Variants in UHRF2 observed in about 807,000 individuals in gnomAD.
UHRF2 encodes ubiquitin like with PHD and ring finger domains 2.
A neutral mutation model predicts 96.8 loss-of-function variants in UHRF2; 23 were observed. The observed-to-expected ratio is 0.24, with a 90% CI of 0.17 to 0.34. UHRF2 has a LOEUF of 0.34. UHRF2 is among the 10% of genes least tolerant of loss of function. The pLI is 1.00. For synonymous variants in UHRF2, 385 were observed against 332.6 expected, an observed-to-expected ratio of 1.16 and a Z score of -1.72; for missense variants, 685 against 981.5, an observed-to-expected ratio of 0.70 and a Z score of 4.04.
chr9:6,443,651 A>G (rs1173322077), intron 3 of UHRF2, among the ~76,000 whole-genome samples: 1 of 152,222 alleles, frequency 6.6e-6, no homozygotes, highest in Non-Finnish European at 1.5e-5. Flanking sequence ...AAACACCTGT[A>G]TGTACTTCTC....
At chr9:6,478,906 C>T (rs1823754600) in intron 6 of UHRF2, among the ~76,000 whole-genome samples, 1 of 152,136 alleles carries the variant, frequency 6.6e-6, no homozygotes, top group African/African-American at 2.4e-5. Flanking sequence ...TAACTATTTC[C>T]TCTGACGTCT....
intron 9 of UHRF2, 68 bp downstream of exon 9, chr9:6,486,993 C>T (rs560809068): frequency 7.0e-7 from 1 of 1,430,850 alleles, no homozygotes; most frequent in South Asian, 1.2e-5. Context: ...ATAGCTTTGC[C>T]TAGGATACAT....
intron 3 of UHRF2, among the ~76,000 whole-genome samples, chr9:6,435,047 A>C (rs1414935176): frequency 6.6e-6 from 1 of 150,722 alleles, no homozygotes; most frequent in Non-Finnish European, 1.5e-5. Context: ...TCACTCTGTC[A>C]CTCAGGCTGG....
At chr9:6,492,676 TC>T (rs1257987851) in intron 9 of UHRF2, 1 of 152,590 alleles carries the variant, frequency 6.6e-6, no homozygotes, top group Non-Finnish European at 1.5e-5. Context: ...ATTAAAATGA[TC>T]TTGCATTAAA....
chr9:6,491,938 A>C (rs1824683796), intron 9 of UHRF2, among the ~76,000 whole-genome samples: 1 of 152,100 alleles, frequency 6.6e-6, no homozygotes, highest in African/African-American at 2.4e-5. Flanking sequence ...TCGCTATGTC[A>C]CCCAGGCTGG....
chr9:6,437,616 T>A (rs1407818170), intron 3 of UHRF2, among the ~76,000 whole-genome samples: 1 of 151,988 alleles, frequency 6.6e-6, no homozygotes, highest in African/African-American at 2.4e-5. Context: ...TGTTTTGCTT[T>A]ATTTTATTTA....
intron 4 of UHRF2, chr9:6,468,475 G>A (rs1467347899): frequency 2.2e-6 from 1 of 456,066 alleles, no homozygotes; most frequent in African/African-American, 2.0e-5. Context: ...TATGTCTCTG[G>A]AGAGGTAAGA....
At chr9:6,487,990 CAGCACTTTGAG>C (rs1824411285) in intron 9 of UHRF2, among the ~76,000 whole-genome samples, 1 of 151,860 alleles carries the variant, frequency 6.6e-6, no homozygotes, top group South Asian at 2.1e-4. Context: ...CCTGTAATCC[CAGCACTTTGAG>C]AGGCTGAAGT....
At chr9:6,414,324 C>G (rs1353723825) in intron 1 of UHRF2, among the ~76,000 whole-genome samples, 1 of 152,156 alleles carries the variant, frequency 6.6e-6, no homozygotes. Flanking sequence ...TACGAATGCC[C>G]TATATAAGCC....
At chr9:6,477,939 T>G in intron 6 of UHRF2, 131 bp downstream of exon 6, 1 of 726,246 alleles carries the variant, frequency 1.4e-6, no homozygotes, top group African/African-American at 1.8e-5. Flanking sequence ...CAGTGGTTAC[T>G]TAGCATTCAT....
At position 6,433,807 on chromosome 9, in the gene UHRF2, G is replaced by A. The variant is rs1820685555; in HGVS notation, c.385-107G>A. 4 of 1,165,668 alleles carry A rather than the reference G, an allele frequency of 3.4e-6. No homozygotes were observed. In the South Asian group the frequency reaches 6.3e-5, roughly 18 times the overall value. The allele number at this position is 1,165,668 out of a possible 1,614,324, so 72.2% of individuals were successfully genotyped here. A position where few individuals can be genotyped will look rare whatever the true frequency, so the allele number is the denominator to read the frequency against. On this transcript the variant is annotated intron_variant, in intron 2 of 15. Transcript: ENST00000276893. The stretch of plus-strand genomic sequence containing the variant: ...TTAACCACTTTAAACATGAGTAGCT[G>A]CAAATATTGTTTACCATGATAACCC...
Position 6,504,644 on chromosome 9 carries a change from C to G in UHRF2, c.2215C>G (p.Leu739Val), listed in dbSNP as rs1057453943. The G allele has an allele frequency of 2.2e-5, 36 of 1,613,704 alleles. No homozygotes were observed. The highest frequency in any genetic ancestry group is 3.0e-5 in the Non-Finnish European group (35 of 1,179,840). ...QSFMCVCCQE[L>V]VYQPVTTECF... ...TTTTATGTGCGTTTGCTGTCAGGAG[C>G]TAGTTTACCAGCCTGTGACAACTGA... is the stretch of plus-strand genomic sequence containing the variant. Residue 739 changes from leucine (L) to valine (V), a missense_variant, in exon 15 of 16, where the codon CTA becomes GTA. Around this residue, in one of 6 missense-constraint regions of UHRF2, gnomAD observed 71 missense variants for 114.1 expected, o/e 0.62. Coordinates refer to ENST00000276893, the MANE Select transcript of UHRF2 (RefSeq NM_152896.3).
At position 6,413,434 on chromosome 9, in the gene UHRF2, G is replaced by A. The variant is rs1365347473; in HGVS notation, c.-57G>A. The A allele has an allele frequency of 1.5e-6, 2 of 1,321,036 alleles. No homozygotes were observed. Among genetic ancestry groups the A allele is most frequent in the Non-Finnish European group, 2.0e-6 (2 of 1,023,096 alleles). The allele number at this position is 1,321,036 out of a possible 1,614,324, so 81.8% of individuals were successfully genotyped here. A position where few individuals can be genotyped will look rare whatever the true frequency, so the allele number is the denominator to read the frequency against. ...GAAAGCGGCGCGGGCCGGGCGGGGCGCGGCGCCCAGAGCTCAGGGGGAGAC... is the reference window on the plus strand; with the variant it reads ...GAAAGCGGCGCGGGCCGGGCGGGGCACGGCGCCCAGAGCTCAGGGGGAGAC... On this transcript the variant is annotated 5_prime_UTR_variant, in exon 1 of 16. Transcript: ENST00000276893.
At chr9:6,475,557 T>A (rs1469241966) in intron 5 of UHRF2, 57 bp downstream of exon 5, 2 of 953,186 alleles carry the variant, frequency 2.1e-6, no homozygotes, top group African/African-American at 1.7e-5. Context: ...TTGAACTTTA[T>A]TTTTACTGGT....
At chr9:6,470,569 A>G (rs1316464938) in intron 4 of UHRF2, among the ~76,000 whole-genome samples, 1 of 152,172 alleles carries the variant, frequency 6.6e-6, no homozygotes, top group African/African-American at 2.4e-5. Context: ...AATTAAGAGC[A>G]GGGAAAGGGT....
At chr9:6,415,935 C>T (rs899995887) in intron 1 of UHRF2, among the ~76,000 whole-genome samples, 1 of 152,200 alleles carries the variant, frequency 6.6e-6, no homozygotes, top group Admixed American at 6.5e-5. Context: ...ATTAGCTTTA[C>T]CTGAAATCCT....
intron 3 of UHRF2, among the ~76,000 whole-genome samples, 191 bp from the exon 4 acceptor site, chr9:6,460,382 C>G (rs1822462696): frequency 6.6e-6 from 1 of 152,176 alleles, no homozygotes; most frequent in Admixed American, 6.5e-5. Context: ...GATATAGAAA[C>G]TACCCTGTAG....
chr9:6,427,660 G>A (rs1269528369), intron 2 of UHRF2, among the ~76,000 whole-genome samples: 1 of 152,124 alleles, frequency 6.6e-6, no homozygotes, highest in Non-Finnish European at 1.5e-5. Flanking sequence ...ACTCCTGCCT[G>A]GGTGACAGAG....
At chr9:6,476,330 C>G (rs118131406) in intron 5 of UHRF2, among the ~76,000 whole-genome samples, 3,155 of 152,170 alleles carry the variant, frequency 0.021, 55 homozygotes, top group Non-Finnish European at 0.03. Flanking sequence ...AAGAAAAAGC[C>G]TGTTTCTGTA....
Sources: gnomAD v4.1 joint callset for allele counts (sites outside exome capture counted in the v4.1 genomes callset) on GRCh38, gnomAD v4.1.1 for gene constraint, gnomAD v4.1.1 regional missense constraint, MANE v1.5 for transcripts, NCBI Gene and HGNC (gene_info 2026-07-23, HGNC 2026-07-21) for gene names.